The following GRIK2 variants were observed in gnomAD, a reference collection of about 807,000 sequenced individuals.
GRIK2 encodes the protein glutamate ionotropic receptor kainate type subunit 2, also known as glutamate receptor ionotropic, kainate 2.
In GRIK2, 32 loss-of-function variants were observed where a neutral mutation model predicts 100.3. The ratio of observed to expected loss-of-function variants is 0.32; its 90% CI spans 0.24 to 0.43. The LOEUF (loss-of-function observed/expected upper bound fraction) is 0.43. Among genes scored for constraint, GRIK2 ranks in the 20% least tolerant of loss-of-function variants. The pLI, the probability that GRIK2 is intolerant of heterozygous loss-of-function variation, is 1.00. For missense variants in GRIK2, 843 were observed against 1,114.9 expected, an observed-to-expected ratio of 0.76 and a Z score of 3.47; for synonymous variants, 417 against 389.4, an observed-to-expected ratio of 1.07 and a Z score of -0.83.
chr6:101,774,668 G>A (rs1303696320), intron 7 of GRIK2, among the ~76,000 whole-genome samples: 1 of 152,076 alleles, frequency 6.6e-6, no homozygotes, highest in Non-Finnish European at 1.5e-5. Flanking sequence ...AAACTTGTTG[G>A]CATTTTCTTA....
chr6:101,440,917 G>A (rs1196205157), intron 2 of GRIK2, among the ~76,000 whole-genome samples: 1 of 148,762 alleles, frequency 6.7e-6, no homozygotes, highest in Non-Finnish European at 1.5e-5. Context: ...TTTGTTTACT[G>A]AAGATTACAG....
intron 2 of GRIK2, among the ~76,000 whole-genome samples, chr6:101,484,719 G>A (rs188609092): frequency 3.5e-4 from 53 of 151,980 alleles, no homozygotes; most frequent in African/African-American, 1.2e-3. Context: ...TTTTCTTCAG[G>A]TGTCAGAGAA....
At chr6:101,596,004 G>C (rs1282883888) in intron 2 of GRIK2, among the ~76,000 whole-genome samples, 1 of 147,676 alleles carries the variant, frequency 6.8e-6, no homozygotes, top group Non-Finnish European at 1.5e-5. Context: ...ATCCATGAAG[G>C]CAAGCATGTT....
chr6:101,493,478 A>G (rs374512273), intron 2 of GRIK2, among the ~76,000 whole-genome samples: 132 of 152,238 alleles, frequency 8.7e-4, no homozygotes, highest in African/African-American at 3.1e-3. Context: ...CTTAGAGACA[A>G]TGACTGTTAA....
chr6:101,563,197 G>T (rs77877073), intron 2 of GRIK2, among the ~76,000 whole-genome samples: 2,599 of 152,254 alleles, frequency 0.017, 76 homozygotes, highest in African/African-American at 0.059. Flanking sequence ...AGGCATGAAG[G>T]ATAAGACAGT....
At chr6:101,550,906 A>G (rs2518293) in intron 2 of GRIK2, among the ~76,000 whole-genome samples, 124,672 of 152,132 alleles carry the variant, frequency 0.82, 51,707 homozygotes, top group African/African-American at 0.94. Context: ...AAATGAAAGC[A>G]TTACTAAATA....
chr6:101,922,995 CA>C (rs1182283579), intron 12 of GRIK2, among the ~76,000 whole-genome samples: 3 of 152,164 alleles, frequency 2.0e-5, no homozygotes, highest in Non-Finnish European at 2.9e-5. Context: ...TCAGACACAA[CA>C]AATCAACTTA....
chr6:101,499,591 A>G (rs903978569), intron 2 of GRIK2, among the ~76,000 whole-genome samples: 10 of 152,086 alleles, frequency 6.6e-5, no homozygotes, highest in Admixed American at 6.6e-4. Flanking sequence ...TTTTGGAGAA[A>G]GTTAAGTTTC....
intron 7 of GRIK2, among the ~76,000 whole-genome samples, chr6:101,727,362 GA>G (rs1774944073): frequency 1.3e-5 from 2 of 152,068 alleles, no homozygotes; most frequent in African/African-American, 4.8e-5. Context: ...CAGAGCTAGT[GA>G]AAATAGCGCA....
chr6:101,609,083 A>G (rs1779563469), intron 2 of GRIK2, among the ~76,000 whole-genome samples: 1 of 151,792 alleles, frequency 6.6e-6, no homozygotes, highest in South Asian at 2.1e-4. Flanking sequence ...GGTATGCATT[A>G]GTTTGCATGC....
intron 2 of GRIK2, among the ~76,000 whole-genome samples, chr6:101,512,898 T>C (rs1181564668): frequency 6.6e-6 from 1 of 152,146 alleles, no homozygotes; most frequent in Non-Finnish European, 1.5e-5. Flanking sequence ...CTATGATTAC[T>C]GTAAATAATG....
At chr6:101,510,188 A>T (rs1774228056) in intron 2 of GRIK2, among the ~76,000 whole-genome samples, 1 of 152,186 alleles carries the variant, frequency 6.6e-6, no homozygotes, top group African/African-American at 2.4e-5. Context: ...TATTGGGCAA[A>T]CATGTCCATA....
chr6:102,009,786 A>G (rs1290473466), intron 14 of GRIK2, among the ~76,000 whole-genome samples: 4 of 152,134 alleles, frequency 2.6e-5, no homozygotes, highest in Non-Finnish European at 5.9e-5. Context: ...CTCAACAACT[A>G]TACTATATTA....
chr6:101,949,543 G>A (rs971035269), intron 14 of GRIK2, among the ~76,000 whole-genome samples: 1 of 152,036 alleles, frequency 6.6e-6, no homozygotes, highest in Non-Finnish European at 1.5e-5. Context: ...AGTGTGTGAT[G>A]TTCCCTGCCC....
chr6:101,935,237 A>G (rs1001050388), intron 14 of GRIK2, among the ~76,000 whole-genome samples: 2 of 151,924 alleles, frequency 1.3e-5, no homozygotes, highest in African/African-American at 4.8e-5. Flanking sequence ...GGATGTGTAA[A>G]TAGCTACTCA....
chr6:101,816,552 G>C (rs901449992), intron 9 of GRIK2, among the ~76,000 whole-genome samples: 1 of 152,044 alleles, frequency 6.6e-6, no homozygotes, highest in African/African-American at 2.4e-5. Flanking sequence ...TTAGCCGAGC[G>C]TGTTGGCGGG....
chr6:101,921,830 A>G (rs1465071445), intron 12 of GRIK2, among the ~76,000 whole-genome samples: 1 of 152,124 alleles, frequency 6.6e-6, no homozygotes, highest in East Asian at 1.9e-4. Flanking sequence ...ATAAAGAGCA[A>G]ATTGGAAATT....
At chr6:101,726,526 C>A (rs1459695272) in intron 7 of GRIK2, among the ~76,000 whole-genome samples, 1 of 151,914 alleles carries the variant, frequency 6.6e-6, no homozygotes, top group Non-Finnish European at 1.5e-5. Flanking sequence ...TAATCACTTG[C>A]TTTTATAGGA....
intron 7 of GRIK2, among the ~76,000 whole-genome samples, chr6:101,698,260 G>C (rs1772641497): frequency 1.3e-5 from 2 of 151,964 alleles, no homozygotes; most frequent in South Asian, 4.2e-4. Flanking sequence ...TGATATAAAG[G>C]CCTAAGAAAT....
Sources: gnomAD v4.1 joint callset for allele counts (sites outside exome capture counted in the v4.1 genomes callset) on GRCh38, gnomAD v4.1.1 for gene constraint, MANE v1.5 for transcripts, NCBI Gene and HGNC (gene_info 2026-07-23, HGNC 2026-07-21) for gene names.